Variants in TMEM196 observed in about 807,000 individuals in gnomAD.
The protein encoded by TMEM196 is transmembrane protein 196.
TMEM196 carries 17 observed loss-of-function variants against 20.0 expected under a neutral mutation model. The ratio of observed to expected loss-of-function variants is 0.85; its 90% CI spans 0.58 to 1.27. TMEM196 has a LOEUF of 1.27. Ranked by LOEUF, TMEM196 falls within the 50% of genes most tolerant of loss-of-function variation. The pLI, the probability that TMEM196 is intolerant of heterozygous loss-of-function variation, is 0.00. For synonymous variants in TMEM196, 113 were observed against 88.9 expected, an observed-to-expected ratio of 1.27 and a Z score of -1.52; for missense variants, 267 against 223.0, an observed-to-expected ratio of 1.20 and a Z score of -1.26.
intron 1 of TMEM196, among the ~76,000 whole-genome samples, chr7:19,738,189 ACATG>A (rs951223428): frequency 6.6e-6 from 1 of 152,102 alleles, no homozygotes; most frequent in African/African-American, 2.4e-5. Flanking sequence ...ACACCACTAT[ACATG>A]TATACTGAAA....
At chr7:19,757,133 G>A (rs910140806) in intron 1 of TMEM196, among the ~76,000 whole-genome samples, 1 of 150,822 alleles carries the variant, frequency 6.6e-6, no homozygotes, top group African/African-American at 2.4e-5. Context: ...ATAACCTATA[G>A]TGTAATATCC....
At chr7:19,758,425 T>A (rs556042927) in intron 1 of TMEM196, among the ~76,000 whole-genome samples, 24 of 152,186 alleles carry the variant, frequency 1.6e-4, no homozygotes, top group Non-Finnish European at 3.2e-4. Flanking sequence ...CAGTTTTGGG[T>A]AGTGGCCAGA....
At chr7:19,771,239 T>C (rs1236764176) in intron 1 of TMEM196, among the ~76,000 whole-genome samples, 2 of 152,136 alleles carry the variant, frequency 1.3e-5, no homozygotes, top group Non-Finnish European at 2.9e-5. Flanking sequence ...AAAAATTACA[T>C]GACAAAGAAC....
chr7:19,749,852 C>T (rs1456083546), intron 1 of TMEM196, among the ~76,000 whole-genome samples: 2 of 152,186 alleles, frequency 1.3e-5, no homozygotes, highest in African/African-American at 4.8e-5. Context: ...GTCAGTGAGT[C>T]ATGCAATCTT....
rs1228453164 is a variant in TMEM196, at chr7:19,721,230, A to G, written c.*898T>C. On this transcript the variant is annotated 3_prime_UTR_variant, in exon 5 of 5. Coordinates refer to ENST00000405844, the MANE Select transcript of TMEM196 (RefSeq NM_001363562.2). ...CTTGAGCAATTGCCTTCCCATTTCT[A>G]TTGGAGTAGAATCTTAATAATACCC... is the stretch of plus-strand genomic sequence containing the variant. 1 of 151,894 alleles carries G rather than the reference A, an allele frequency of 6.6e-6. No homozygotes were observed. Among genetic ancestry groups the G allele is most frequent in the Non-Finnish European group, 1.5e-5 (1 of 67,812 alleles). 9.4% of individuals were successfully genotyped at this position (151,894 alleles called of 1,614,324 possible).
At chr7:19,722,907 A>T (rs1404692589) in intron 4 of TMEM196, among the ~76,000 whole-genome samples, 1 of 152,130 alleles carries the variant, frequency 6.6e-6, no homozygotes, top group Non-Finnish European at 1.5e-5. Flanking sequence ...ATAGGATATG[A>T]AGCCCATTCA....
chr7:19,727,681 C>G (rs1438298496), intron 2 of TMEM196, among the ~76,000 whole-genome samples: 1 of 152,072 alleles, frequency 6.6e-6, no homozygotes, highest in Non-Finnish European at 1.5e-5. Context: ...TAAAATCTAG[C>G]TTCAAATAAT....
intron 1 of TMEM196, among the ~76,000 whole-genome samples, chr7:19,758,940 C>T (rs1689664413): frequency 6.6e-6 from 1 of 152,182 alleles, no homozygotes; most frequent in East Asian, 1.9e-4. Flanking sequence ...AAAAAAAACT[C>T]CCCCTTTAGC....
In TMEM196 at chr7:19,729,418, A is replaced by C; in HGVS notation, c.168T>G (p.Cys56Trp). Residue 56 changes from cysteine (C) to tryptophan (W), a missense_variant, in exon 2 of 5, where the codon TGT becomes TGG. Transcript: ENST00000405844. ...ATTTTTTTTTGGCACACAATATTCC[A>C]CAAATGCCACAAAGAAGAAACTGAA... ...DSSPFLLCGICGILCAKKKSG... is the reference protein window; with the variant it reads ...DSSPFLLCGIWGILCAKKKSG... 6.4e-7 allele frequency: 1 copy of C among 1,550,930 alleles called. No individual in the cohort carries two copies. Among genetic ancestry groups the C allele is most frequent in the Non-Finnish European group, 8.7e-7 (1 of 1,146,820 alleles).
chr7:19,760,169 A>C (rs1266159057), intron 1 of TMEM196, among the ~76,000 whole-genome samples: 1 of 151,930 alleles, frequency 6.6e-6, no homozygotes. Flanking sequence ...AAACACACCA[A>C]AGCTTTCCTA....
intron 1 of TMEM196, among the ~76,000 whole-genome samples, chr7:19,741,309 T>C (rs1436392914): frequency 6.6e-6 from 1 of 152,108 alleles, no homozygotes; most frequent in Admixed American, 6.6e-5. Context: ...GACAAAGCTG[T>C]GCTGTTGAAA....
At chr7:19,729,981 G>A (rs866073179) in intron 1 of TMEM196, among the ~76,000 whole-genome samples, 1 of 152,282 alleles carries the variant, frequency 6.6e-6, no homozygotes, top group Middle Eastern at 3.4e-3. Context: ...GATAGGCTGG[G>A]CGCGGTGGCT....
intron 1 of TMEM196, among the ~76,000 whole-genome samples, chr7:19,756,870 C>A (rs546902500): frequency 6.6e-6 from 1 of 151,990 alleles, no homozygotes; most frequent in South Asian, 2.1e-4. Flanking sequence ...AGGTTAATTC[C>A]ATGTCTTTGT....
intron 1 of TMEM196, among the ~76,000 whole-genome samples, chr7:19,739,135 G>C (rs1038331102): frequency 6.6e-6 from 1 of 151,994 alleles, no homozygotes; most frequent in African/African-American, 2.4e-5. Context: ...AATTCAAATA[G>C]GCAATAGAAA....
chr7:19,768,311 A>T (rs1238862469), intron 1 of TMEM196, among the ~76,000 whole-genome samples: 1 of 152,112 alleles, frequency 6.6e-6, no homozygotes, highest in African/African-American at 2.4e-5. Context: ...TAATAGATGG[A>T]TGGAATTTTA....
Position 19,721,309 on chromosome 7 carries a change from A to G in TMEM196, c.*819T>C, listed in dbSNP as rs1783804662. On this transcript the variant is annotated 3_prime_UTR_variant, in exon 5 of 5. Transcript: ENST00000405844. Reference sequence around the variant, plus strand: ...CCTATTTACATTCATGTATGCTATAATATATGCTGTATACATGTTCTATAT... The same window carrying G: ...CCTATTTACATTCATGTATGCTATAGTATATGCTGTATACATGTTCTATAT... The G allele has an allele frequency of 1.3e-5, 2 of 152,062 alleles. No homozygotes were observed. Among genetic ancestry groups the G allele is most frequent in the South Asian group, 4.1e-4 (2 of 4,824 alleles). The allele number at this position is 152,062 out of a possible 1,614,324, so 9.4% of individuals were successfully genotyped here.
intron 1 of TMEM196, among the ~76,000 whole-genome samples, chr7:19,767,891 A>G (rs2128040520): frequency 6.6e-6 from 1 of 152,146 alleles, no homozygotes; most frequent in African/African-American, 2.4e-5. Flanking sequence ...ATATTTTAAA[A>G]GCTTAAATAT....
At chr7:19,751,688 T>G (rs1361992194) in intron 1 of TMEM196, among the ~76,000 whole-genome samples, 1 of 152,218 alleles carries the variant, frequency 6.6e-6, no homozygotes, top group East Asian at 1.9e-4. Flanking sequence ...ATTATTAAAA[T>G]TTTATAACTT....
intron 3 of TMEM196, among the ~76,000 whole-genome samples, 159 bp from the exon 4 acceptor site, chr7:19,724,512 C>A (rs570306978): frequency 1.3e-4 from 20 of 152,198 alleles, no homozygotes; most frequent in African/African-American, 4.8e-4. Context: ...TTACTGGAGT[C>A]TTGCTATGTA....
Sources: allele counts gnomAD v4.1 joint callset (sites outside exome capture counted in the v4.1 genomes callset), GRCh38; gene constraint gnomAD v4.1.1; transcripts MANE v1.5; gene names NCBI Gene and HGNC (gene_info 2026-07-23, HGNC 2026-07-21).